LRP1B: variants seen among roughly 807,000 people sequenced by gnomAD.
LRP1B encodes the protein low-density lipoprotein receptor-related protein 1B.
A neutral mutation model predicts 556.6 loss-of-function variants in LRP1B; 217 were observed. The ratio of observed to expected loss-of-function variants is 0.39; its 90% CI spans 0.35 to 0.44. The LOEUF (loss-of-function observed/expected upper bound fraction) is 0.44. LRP1B is among the 20% of genes least tolerant of loss of function. LRP1B has a pLI of 1.00. For missense variants in LRP1B, 5,053 were observed against 5,620.8 expected (o/e 0.90, Z 3.23); for synonymous variants, 2,047 against 1,865.8 (o/e 1.10, Z -2.50).
chr2:141,464,606 A>ATTTTTTTTTTTT (rs71391651), intron 3 of LRP1B, among the ~76,000 whole-genome samples: 4 of 90,534 alleles, frequency 4.4e-5, no homozygotes, highest in Non-Finnish European at 6.6e-5. Flanking sequence ...ATATATATAT[A>ATTTTTTTTTTTT]TTTTTTTAGT....
At chr2:142,039,025 C>G (rs931800824) in intron 1 of LRP1B, among the ~76,000 whole-genome samples, 2 of 151,392 alleles carry the variant, frequency 1.3e-5, no homozygotes, top group East Asian at 3.9e-4. Flanking sequence ...CACAATACAC[C>G]AAGAGCCCAT....
chr2:141,480,159 TTGTGTGTGTGTGTGTG>T (rs5834837), intron 3 of LRP1B, among the ~76,000 whole-genome samples: 13 of 149,790 alleles, frequency 8.7e-5, no homozygotes, highest in Admixed American at 1.3e-4. Flanking sequence ...AAGTCTAAAT[TTGTGTGTGTGTGTGTG>T]TGTGTGTGTG....
intron 3 of LRP1B, among the ~76,000 whole-genome samples, chr2:141,417,641 T>C (rs2104956609): frequency 6.6e-6 from 1 of 152,324 alleles, no homozygotes; most frequent in Non-Finnish European, 1.5e-5. Context: ...TTAAGTTATT[T>C]CCACCTCTTG....
intron 47 of LRP1B, among the ~76,000 whole-genome samples, chr2:140,530,101 A>G (rs574605604): frequency 2.0e-5 from 3 of 152,280 alleles, no homozygotes; most frequent in African/African-American, 7.2e-5. Flanking sequence ...ATCTAAATTC[A>G]GCAAAGTATA....
At position 141,096,634 on chromosome 2, in the gene LRP1B, GA is replaced by G. The variant is rs1558858186; in HGVS notation, c.1014-34362del. ...TGACAAAGACGGGGAGAGGGGGAGA[GA>G]GAGAGAGAGAGAGAGAGAGAGAGAG... On this transcript the variant is annotated intron_variant, in intron 7 of 90. Transcript: ENST00000389484. Among the ~76,000 whole-genome samples the G allele has an allele frequency of 4.9e-3, 226 of 45,866 alleles. 4 individuals carry two copies. The highest frequency in any genetic ancestry group is 0.018 in the African/African-American group (217 of 11,826). The allele number at this position is 45,866 out of a possible 152,430, so 30.1% of individuals were successfully genotyped here.
intron 1 of LRP1B, among the ~76,000 whole-genome samples, chr2:141,926,451 C>A (rs775265036): frequency 1.6e-4 from 25 of 152,104 alleles, no homozygotes; most frequent in Non-Finnish European, 3.1e-4. Context: ...AAGCTACTTA[C>A]AATATTCCAG....
At chr2:142,044,663 G>A (rs965872171) in intron 1 of LRP1B, among the ~76,000 whole-genome samples, 27 of 151,656 alleles carry the variant, frequency 1.8e-4, no homozygotes, top group African/African-American at 6.3e-4. Context: ...AAGCCCCAAG[G>A]ATATTCATCA....
chr2:140,836,621 T>C (rs369888119), intron 31 of LRP1B, among the ~76,000 whole-genome samples: 45 of 152,206 alleles, frequency 3.0e-4, no homozygotes, highest in African/African-American at 1.0e-3. Context: ...TGGGAGACAA[T>C]AGAGGCAAGG....
At chr2:141,612,381 A>C (rs1285942287) in intron 2 of LRP1B, among the ~76,000 whole-genome samples, 1 of 152,184 alleles carries the variant, frequency 6.6e-6, no homozygotes, top group Non-Finnish European at 1.5e-5. Flanking sequence ...AGTTTGAGGA[A>C]TCCCTATTAG....
chr2:140,648,282 C>T (rs1415458555), intron 41 of LRP1B, among the ~76,000 whole-genome samples: 1 of 151,434 alleles, frequency 6.6e-6, no homozygotes, highest in African/African-American at 2.4e-5. Context: ...CACACCGGGG[C>T]ATGTGGTGGG....
intron 41 of LRP1B, among the ~76,000 whole-genome samples, chr2:140,677,974 G>A (rs1419097484): frequency 6.6e-6 from 1 of 152,070 alleles, no homozygotes; most frequent in Non-Finnish European, 1.5e-5. Flanking sequence ...GTTGTGATGG[G>A]TAACATTAAT....
At chr2:140,483,615 C>CATATATATAT (rs201503377) in intron 59 of LRP1B, among the ~76,000 whole-genome samples, 23 of 88,346 alleles carry the variant, frequency 2.6e-4, no homozygotes, top group South Asian at 8.1e-4. Flanking sequence ...CACACACACA[C>CATATATATAT]ATATATATAT....
chr2:140,774,062 T>A (rs1573699551), intron 33 of LRP1B, among the ~76,000 whole-genome samples: 1 of 152,228 alleles, frequency 6.6e-6, no homozygotes, highest in South Asian at 2.1e-4. Context: ...ATTAAGTCAC[T>A]AATTGTACTT....
intron 86 of LRP1B, among the ~76,000 whole-genome samples, chr2:140,266,615 C>CCTTTTTCTATT (rs1682214278): frequency 6.6e-6 from 1 of 151,970 alleles, no homozygotes; most frequent in Non-Finnish European, 1.5e-5. Context: ...TTCTCAGCTA[C>CCTTTTTCTATT]CTTGGCCTTT....
intron 2 of LRP1B, among the ~76,000 whole-genome samples, chr2:141,576,027 G>C (rs1448602559): frequency 6.6e-6 from 1 of 152,186 alleles, no homozygotes; most frequent in Non-Finnish European, 1.5e-5. Flanking sequence ...GGAAGACATT[G>C]TGGAAGGCAA....
At chr2:140,874,814 T>C (rs1559169185) in intron 25 of LRP1B, among the ~76,000 whole-genome samples, 1 of 150,062 alleles carries the variant, frequency 6.7e-6, no homozygotes, top group Non-Finnish European at 1.5e-5. Context: ...AGGTCAGGAG[T>C]TCAAGGCCAG....
At chr2:140,813,396 A>C (rs914994627) in intron 32 of LRP1B, among the ~76,000 whole-genome samples, 1 of 152,196 alleles carries the variant, frequency 6.6e-6, no homozygotes, top group South Asian at 2.1e-4. Flanking sequence ...AACAATTGTA[A>C]AATAATACAA....
intron 5 of LRP1B, among the ~76,000 whole-genome samples, chr2:141,241,679 T>C (rs1323743273): frequency 6.6e-6 from 1 of 152,112 alleles, no homozygotes; most frequent in Non-Finnish European, 1.5e-5. Context: ...GGCAAACATT[T>C]GTCAAGCACA....
intron 17 of LRP1B, 145 bp downstream of exon 17, chr2:140,989,387 G>T: frequency 2.5e-6 from 2 of 796,088 alleles, no homozygotes; most frequent in East Asian, 2.6e-5. Flanking sequence ...TAGCCTTTGT[G>T]GCATCAAACT....
Sources: gnomAD v4.1 joint callset for allele counts (sites outside exome capture counted in the v4.1 genomes callset) on GRCh38, gnomAD v4.1.1 for gene constraint, MANE v1.5 for transcripts, NCBI Gene and HGNC (gene_info 2026-07-23, HGNC 2026-07-21) for gene names.